The following PIGG variants were observed in gnomAD, a reference collection of about 807,000 sequenced individuals.
PIGG encodes the protein GPI ethanolamine phosphate transferase 2, catalytic subunit.
A neutral mutation model predicts 83.2 loss-of-function variants in PIGG; 70 were observed. The ratio of observed to expected loss-of-function variants is 0.84; its 90% CI spans 0.69 to 1.03. The LOEUF (loss-of-function observed/expected upper bound fraction) is 1.03. Among genes scored for constraint, PIGG ranks in the 50% least tolerant of loss-of-function variants. PIGG has a pLI of 0.00. For missense variants in PIGG, 1,257 were observed against 1,233.6 expected (o/e 1.02, Z -0.28); for synonymous variants, 532 against 519.5 (o/e 1.02, Z -0.33).
In PIGG at chr4:515,902, T is replaced by A; in HGVS notation, c.902-71T>A. 8.4e-7 allele frequency: 1 copy of A among 1,192,180 alleles called. No individual in the cohort carries two copies. Among genetic ancestry groups the A allele is most frequent in the South Asian group, 1.2e-5 (1 of 81,042 alleles). 73.9% of individuals were successfully genotyped at this position (1,192,180 alleles called of 1,614,324 possible). On this transcript the variant is annotated intron_variant, in intron 5 of 12. Transcript: ENST00000453061. This position sits in a 1 kb window ranked among gnomAD's most constrained non-coding sequence, Gnocchi z 4.2. ...TTTGGCTCATGTTAGTTGTAGAAGG[T>A]CTAATTCAAGAATGAGTACCATCTT...
At chr4:506,799 A>G (rs1244559239) in intron 3 of PIGG, 1 of 456,070 alleles carries the variant, frequency 2.2e-6, no homozygotes, top group Non-Finnish European at 4.4e-6. Context: ...CTTTTTCAGA[A>G]CAGCCTTCTT....
At chr4:525,182 T>C (rs1039701117) in intron 9 of PIGG, 3 of 984,994 alleles carry the variant, frequency 3.0e-6, no homozygotes, top group Admixed American at 6.2e-5. Flanking sequence ...GACAGAGCCG[T>C]GTGGGGGAAT....
chr4:526,533 C>A (rs186289341), intron 9 of PIGG, among the ~76,000 whole-genome samples: 1 of 152,146 alleles, frequency 6.6e-6, no homozygotes. Flanking sequence ...ACGTATCATG[C>A]GTTACTGAGT....
intron 5 of PIGG, among the ~76,000 whole-genome samples, chr4:512,639 A>T (rs1023438443): frequency 1.4e-5 from 2 of 147,510 alleles, no homozygotes; most frequent in African/African-American, 5.0e-5. Flanking sequence ...ACACGGTGAA[A>T]CCCCGTCTCT....
chr4:528,352 A>G lies in PIGG; in HGVS notation c.2261+1122A>G, dbSNP rs1728229859. 1 of 985,104 alleles carries G rather than the reference A, an allele frequency of 1.0e-6. No individual in the cohort carries two copies. Among genetic ancestry groups the G allele is most frequent in the South Asian group, 4.7e-5 (1 of 21,286 alleles). The allele number at this position is 985,104 out of a possible 1,614,324, so 61.0% of individuals were successfully genotyped here. A position where few individuals can be genotyped will look rare whatever the true frequency, so the allele number is the denominator to read the frequency against. On this transcript the variant is annotated intron_variant, in intron 10 of 12. Coordinates refer to ENST00000453061, the MANE Select transcript of PIGG (RefSeq NM_001127178.3). This position sits in a 1 kb window ranked among gnomAD's most constrained non-coding sequence, Gnocchi z 4.8. ...ATTTTTGTATCTTAGCGATGTCTAG[A>G]GTTAATAAGTGTTGCTTTTCTAATC... is the stretch of plus-strand genomic sequence containing the variant.
Position 515,879 on chromosome 4 carries a change from T to G in PIGG, c.902-94T>G. 1 of 914,976 alleles carries G rather than the reference T, an allele frequency of 1.1e-6. No homozygotes were observed. Among genetic ancestry groups the G allele is most frequent in the Admixed American group, 1.8e-5 (1 of 56,584 alleles). The allele number at this position is 914,976 out of a possible 1,614,324, so 56.7% of individuals were successfully genotyped here. ...GAGTGGTGTGAAGAGACGGATCATTTGGCTCATGTTAGTTGTAGAAGGTCT... is the reference window on the plus strand; with the variant it reads ...GAGTGGTGTGAAGAGACGGATCATTGGGCTCATGTTAGTTGTAGAAGGTCT... On this transcript the variant is annotated intron_variant, in intron 5 of 12. Coordinates refer to ENST00000453061, the MANE Select transcript of PIGG (RefSeq NM_001127178.3). This position sits in a 1 kb window ranked among gnomAD's most constrained non-coding sequence, Gnocchi z 4.2.
At chr4:533,764 G>T in intron 11 of PIGG, 54 bp from the exon 12 acceptor site, 1 of 1,557,046 alleles carries the variant, frequency 6.4e-7, no homozygotes, top group South Asian at 1.1e-5. Flanking sequence ...TAACATCGTG[G>T]CTGTTGATGC....
At chr4:505,650 TC>T in intron 2 of PIGG, 67 bp from the exon 3 acceptor site, 1 of 972,500 alleles carries the variant, frequency 1.0e-6, no homozygotes. Flanking sequence ...AAAAAAAAAA[TC>T]TTCAGTGCCC....
Position 515,092 on chromosome 4 carries a change from T to C in PIGG, c.902-881T>C, listed in dbSNP as rs185715249. Among the ~76,000 whole-genome samples, 3 of 152,328 alleles carry C rather than the reference T, an allele frequency of 2.0e-5. No individual in the cohort carries two copies. In the East Asian group the frequency reaches 5.8e-4, roughly 29 times the overall value. Reference sequence around the variant, plus strand: ...AATTAAAAACTCGCTACAAAAAACTTACCACAATCAAAGTAAAACCTCCCC... The same window carrying C: ...AATTAAAAACTCGCTACAAAAAACTCACCACAATCAAAGTAAAACCTCCCC... On this transcript the variant is annotated intron_variant, in intron 5 of 12. Transcript: ENST00000453061. The surrounding 1 kb of genome is among the most constrained non-coding windows in gnomAD (Gnocchi z 4.2).
In PIGG at chr4:507,520, GC is replaced by G. The variant is rs1560284877; in HGVS notation, c.691del (p.Leu231Ter). Reference protein sequence around the residue: ...DHIGHISGPNSPLIGQKLSEM... With the variant: ...DHIGHISGPNXPLIGQKLSEM... ...ATTGGCCACATTTCAGGGCCCAACA[GC>G]CCCCTGATTGGGCAGAAGCTGAGCG... On this transcript the variant is annotated frameshift_variant, in exon 4 of 13. Transcript: ENST00000453061. LOFTEE classifies it high-confidence loss of function. 1 of 1,614,010 alleles carries G rather than the reference GC, an allele frequency of 6.2e-7. No homozygotes were observed. Among genetic ancestry groups the G allele is most frequent in the Non-Finnish European group, 8.5e-7 (1 of 1,179,962 alleles).
intron 5 of PIGG, among the ~76,000 whole-genome samples, chr4:512,721 A>G (rs879991846): frequency 3.9e-5 from 6 of 151,998 alleles, no homozygotes; most frequent in Admixed American, 3.9e-4. Context: ...ACGCTGAGGC[A>G]GGAGAATCAC....
In PIGG at chr4:528,149, C is replaced by A; in HGVS notation, c.2261+919C>A. Reference sequence around the variant, plus strand: ...GGTGCTCTGCAGAGGGGTCTTCTGGCTGTTAGGCAGCCTATTTTCACAGAA... The same window carrying A: ...GGTGCTCTGCAGAGGGGTCTTCTGGATGTTAGGCAGCCTATTTTCACAGAA... On this transcript the variant is annotated intron_variant, in intron 10 of 12. Transcript: ENST00000453061. The surrounding 1 kb of genome is among the most constrained non-coding windows in gnomAD (Gnocchi z 4.8). The A allele has an allele frequency of 1.0e-6, 1 of 985,320 alleles. No homozygotes were observed. Among genetic ancestry groups the A allele is most frequent in the Non-Finnish European group, 1.2e-6 (1 of 829,898 alleles). 61.0% of individuals were successfully genotyped at this position (985,320 alleles called of 1,614,324 possible).
At position 528,405 on chromosome 4, in the gene PIGG, C is replaced by T; in HGVS notation, c.2261+1175C>T. 1.0e-6 allele frequency: 1 copy of T among 985,262 alleles called. No homozygotes were observed. Among genetic ancestry groups the T allele is most frequent in the Non-Finnish European group, 1.2e-6 (1 of 829,816 alleles). The allele number at this position is 985,262 out of a possible 1,614,324, so 61.0% of individuals were successfully genotyped here. ...AGCAAGTCAAGGTGACTGCTGAGGG[C>T]TGTGGCCAGCCTGAGGGGTGGCCGT... On this transcript the variant is annotated intron_variant, in intron 10 of 12. Transcript: ENST00000453061. The surrounding 1 kb of genome is among the most constrained non-coding windows in gnomAD (Gnocchi z 4.8).
chr4:510,236 T>G (rs921774616), intron 5 of PIGG, among the ~76,000 whole-genome samples: 8 of 152,206 alleles, frequency 5.3e-5, no homozygotes, highest in African/African-American at 1.9e-4. Context: ...CTACTGATTC[T>G]AAATTAACTA....
intron 4 of PIGG, among the ~76,000 whole-genome samples, chr4:508,170 A>G (rs538197239): frequency 6.6e-6 from 1 of 152,336 alleles, no homozygotes; most frequent in South Asian, 2.1e-4. Context: ...TGAGGAGGTG[A>G]TGGGTGCTGC....
chr4:530,840 T>C, intron 11 of PIGG, 95 bp downstream of exon 11: 1 of 821,056 alleles, frequency 1.2e-6, no homozygotes, highest in South Asian at 1.7e-5. Context: ...AGTTGGAAAG[T>C]GACTGTCAGT....
intron 10 of PIGG, chr4:527,565 G>C: frequency 9.6e-7 from 1 of 1,041,946 alleles, no homozygotes; most frequent in Non-Finnish European, 1.2e-6. Context: ...CGGTTTCTAA[G>C]TTAGTGGCAG....
At chr4:510,456 C>A (rs556538731) in intron 5 of PIGG, among the ~76,000 whole-genome samples, 1 of 152,254 alleles carries the variant, frequency 6.6e-6, no homozygotes, top group Non-Finnish European at 1.5e-5. Context: ...GCGTGGGCGT[C>A]ATGGCCATCA....
rs368562649 is a variant in PIGG, at chr4:518,360, G to A, written c.1114+2175G>A. 8.5e-5 allele frequency among the ~76,000 whole-genome samples: 13 copies of A among 152,296 alleles called. No homozygotes were observed. The South Asian group carries it at 1.2e-3, about 15-fold the overall frequency. On this transcript the variant is annotated intron_variant, in intron 6 of 12. Coordinates refer to ENST00000453061, the MANE Select transcript of PIGG (RefSeq NM_001127178.3). ...TGTCATCCCAGCACTTTGGGAGGCTGAGGCGGGGGGATCACAAGGTCAGGA... is the reference window on the plus strand; with the variant it reads ...TGTCATCCCAGCACTTTGGGAGGCTAAGGCGGGGGGATCACAAGGTCAGGA...
Sources: gnomAD v4.1 joint callset for allele counts (sites outside exome capture counted in the v4.1 genomes callset) on GRCh38, gnomAD v4.1.1 for gene constraint, Gnocchi (gnomAD v3.1) non-coding constraint, MANE v1.5 for transcripts, NCBI Gene and HGNC (gene_info 2026-07-23, HGNC 2026-07-21) for gene names.